Variants in FOXN3 observed in about 807,000 individuals in gnomAD.
The protein encoded by FOXN3 is forkhead box protein N3.
In FOXN3, 7 loss-of-function variants were observed where a neutral mutation model predicts 38.4. The ratio of observed to expected loss-of-function variants is 0.18; its 90% CI spans 0.10 to 0.34. FOXN3 has a LOEUF of 0.34. Among genes scored for constraint, FOXN3 ranks in the 10% least tolerant of loss-of-function variants. The probability of loss-of-function intolerance (pLI) is 1.00; values close to 1 mark genes in which losing one functional copy is unlikely to be tolerated. For missense variants in FOXN3, 456 were observed against 613.4 expected (o/e 0.74, Z 2.71); for synonymous variants, 230 against 242.2 (o/e 0.95, Z 0.47).
chr14:89,540,826 C>T (rs916640486), intron 1 of FOXN3, among the ~76,000 whole-genome samples: 5 of 151,818 alleles, frequency 3.3e-5, no homozygotes, highest in African/African-American at 1.2e-4. Flanking sequence ...ACTGCTGCTG[C>T]TAAGAAAAAT....
chr14:89,518,327 G>T (rs1596305567), intron 1 of FOXN3, among the ~76,000 whole-genome samples: 1 of 152,104 alleles, frequency 6.6e-6, no homozygotes, highest in Non-Finnish European at 1.5e-5. Flanking sequence ...CTTTTTCTCT[G>T]ATCAGCCCCC....
chr14:89,508,411 T>C (rs1343067052), intron 1 of FOXN3, among the ~76,000 whole-genome samples: 2 of 152,162 alleles, frequency 1.3e-5, no homozygotes, highest in African/African-American at 2.4e-5. Flanking sequence ...AAAGACAGCC[T>C]AGAAATTCCA....
intron 1 of FOXN3, among the ~76,000 whole-genome samples, chr14:89,609,096 G>C (rs958427348): frequency 5.9e-5 from 9 of 152,334 alleles, no homozygotes; most frequent in Non-Finnish European, 1.0e-4. Flanking sequence ...ACACTGACTA[G>C]ATCCTGGGGC....
At chr14:89,384,399 A>G (rs1254587681) in intron 2 of FOXN3, among the ~76,000 whole-genome samples, 1 of 152,220 alleles carries the variant, frequency 6.6e-6, no homozygotes, top group East Asian at 1.9e-4. Context: ...AAGTCTCCTG[A>G]GTCTGCATCT....
intron 2 of FOXN3, among the ~76,000 whole-genome samples, chr14:89,354,209 G>A: frequency 6.6e-6 from 1 of 151,746 alleles, no homozygotes; most frequent in Non-Finnish European, 1.5e-5. Context: ...AATATGGAAT[G>A]CTTTTTTTGT....
At chr14:89,517,087 T>C (rs561003900) in intron 1 of FOXN3, among the ~76,000 whole-genome samples, 2 of 152,144 alleles carry the variant, frequency 1.3e-5, no homozygotes, top group Admixed American at 1.3e-4. Context: ...CACCACAGCT[T>C]TCCTGAAAAA....
intron 3 of FOXN3, among the ~76,000 whole-genome samples, chr14:89,349,205 GGGGAGT>G (rs1566962954): frequency 6.6e-6 from 1 of 152,130 alleles, no homozygotes; most frequent in Non-Finnish European, 1.5e-5. Flanking sequence ...TCTTCCATTT[GGGGAGT>G]GGCTATGGCC....
chr14:89,336,137 TACACACACACACACACACAC>T (rs34950734), intron 3 of FOXN3, among the ~76,000 whole-genome samples: 1 of 140,020 alleles, frequency 7.1e-6, no homozygotes, highest in Admixed American at 7.3e-5. Context: ...AAGTGATCCT[TACACACACACACACACACAC>T]ACACACACAC....
At chr14:89,175,276 G>A (rs74579498) in intron 5 of FOXN3, among the ~76,000 whole-genome samples, 1 of 152,206 alleles carries the variant, frequency 6.6e-6, no homozygotes. Flanking sequence ...GTGATTGGAT[G>A]AAACTCTCAT....
chr14:89,514,422 A>C (rs993608187), intron 1 of FOXN3, among the ~76,000 whole-genome samples: 4 of 152,168 alleles, frequency 2.6e-5, no homozygotes, highest in African/African-American at 9.7e-5. Context: ...CCTCTGTGTA[A>C]ATCACATGCC....
chr14:89,301,068 G>GAGGC (rs1466845516), intron 3 of FOXN3, among the ~76,000 whole-genome samples: 5 of 151,960 alleles, frequency 3.3e-5, no homozygotes, highest in Non-Finnish European at 5.9e-5. Flanking sequence ...CTCACAAAGT[G>GAGGC]CTAGGATTAC....
chr14:89,354,468 C>T (rs562264509), intron 2 of FOXN3, among the ~76,000 whole-genome samples: 2 of 150,228 alleles, frequency 1.3e-5, no homozygotes, highest in South Asian at 2.1e-4. Flanking sequence ...TGAAGTGATC[C>T]GCCCACCTTG....
chr14:89,307,478 C>T (rs767184128), intron 3 of FOXN3, among the ~76,000 whole-genome samples: 2 of 152,028 alleles, frequency 1.3e-5, no homozygotes, highest in African/African-American at 4.8e-5. Flanking sequence ...TAAATAAGGC[C>T]GCCCACCAGA....
At chr14:89,515,635 C>T (rs1388833070) in intron 1 of FOXN3, among the ~76,000 whole-genome samples, 2 of 152,104 alleles carry the variant, frequency 1.3e-5, no homozygotes, top group Non-Finnish European at 2.9e-5. Flanking sequence ...ACTCAGGAGG[C>T]TGAGGCAGGA....
chr14:89,317,077 C>T (rs1349176638), intron 3 of FOXN3, among the ~76,000 whole-genome samples: 1 of 152,210 alleles, frequency 6.6e-6, no homozygotes, highest in Non-Finnish European at 1.5e-5. Flanking sequence ...GATTTCAAGA[C>T]TGCAATTGGC....
At chr14:89,329,717 G>C (rs946000312) in intron 3 of FOXN3, among the ~76,000 whole-genome samples, 1 of 151,880 alleles carries the variant, frequency 6.6e-6, no homozygotes, top group Non-Finnish European at 1.5e-5. Context: ...AAATTAGCCG[G>C]GTGTGGTGGC....
At chr14:89,382,681 T>TTGCC (rs1187189855) in intron 2 of FOXN3, among the ~76,000 whole-genome samples, 2 of 152,218 alleles carry the variant, frequency 1.3e-5, no homozygotes, top group Admixed American at 1.3e-4. Context: ...GGTTACCTAA[T>TTGCC]TGCCTCTCTG....
chr14:89,438,121 G>T (rs1352251612), intron 1 of FOXN3, among the ~76,000 whole-genome samples: 1 of 152,242 alleles, frequency 6.6e-6, no homozygotes, highest in Non-Finnish European at 1.5e-5. Flanking sequence ...AAATTAAAGT[G>T]TCAATAAAAA....
chr14:89,407,027 A>G (rs1398193220), intron 2 of FOXN3, among the ~76,000 whole-genome samples: 5 of 149,822 alleles, frequency 3.3e-5, no homozygotes, highest in Admixed American at 3.3e-4. Context: ...CTAATGAGAA[A>G]TTTTATAGAG....
Sources: allele counts gnomAD v4.1 joint callset (sites outside exome capture counted in the v4.1 genomes callset), GRCh38; gene constraint gnomAD v4.1.1; transcripts MANE v1.5; gene names NCBI Gene and HGNC (gene_info 2026-07-23, HGNC 2026-07-21).